The following SDHAF4 variants were observed in gnomAD, a reference collection of about 807,000 sequenced individuals.
SDHAF4 encodes succinate dehydrogenase complex assembly factor 4, also known as succinate dehydrogenase assembly factor 4, mitochondrial.
In SDHAF4, 14 loss-of-function variants were observed where a neutral mutation model predicts 14.3. That is an observed-to-expected ratio of 0.98 (90% CI 0.65 to 1.53). SDHAF4 has a LOEUF of 1.53. Among genes scored for constraint, SDHAF4 ranks in the 40% most tolerant of loss-of-function variants. SDHAF4 has a pLI of 0.00. For missense variants in SDHAF4, 141 were observed against 129.3 expected, an observed-to-expected ratio of 1.09 and a Z score of -0.44; for synonymous variants, 63 against 47.3, an observed-to-expected ratio of 1.33 and a Z score of -1.36.
chr6:70,585,366 G>T lies in SDHAF4; in HGVS notation c.218-3249G>T, dbSNP rs537816874. Among the ~76,000 whole-genome samples, 4 of 152,256 alleles carry T rather than the reference G, an allele frequency of 2.6e-5. No individual in the cohort carries two copies. The East Asian group carries it at 5.8e-4, about 22-fold the overall frequency. ...AGCTGATGGGAATCTCCTCATGGTG[G>T]GAATAATGCCCTTATAAGAAGAGAT... On this transcript the variant is annotated intron_variant, in intron 2 of 2. Coordinates refer to ENST00000370474, the MANE Select transcript of SDHAF4 (RefSeq NM_145267.3).
At chr6:70,581,591 A>G (rs1479025132) in intron 2 of SDHAF4, among the ~76,000 whole-genome samples, 2 of 151,754 alleles carry the variant, frequency 1.3e-5, no homozygotes, top group African/African-American at 2.4e-5. Context: ...GTGTGTATGT[A>G]TGTGTGTGTG....
chr6:70,586,619 A>G (rs140988117), intron 2 of SDHAF4, among the ~76,000 whole-genome samples: 174 of 151,454 alleles, frequency 1.1e-3, no homozygotes, highest in Non-Finnish European at 1.9e-3. Flanking sequence ...ATGAGAATAA[A>G]TCTCTTCATT....
intron 2 of SDHAF4, among the ~76,000 whole-genome samples, chr6:70,585,033 T>A (rs772555087): frequency 4.6e-5 from 7 of 152,156 alleles, no homozygotes; most frequent in Non-Finnish European, 1.0e-4. Context: ...GGCATTAGAA[T>A]GAGAGGCTGG....
At chr6:70,567,687 A>ATTTATTTG (rs1320805804) in intron 1 of SDHAF4, 17 of 151,780 alleles carry the variant, frequency 1.1e-4, no homozygotes, top group Admixed American at 3.9e-4. Context: ...TTATTTATTT[A>ATTTATTTG]TTTGTTTATT....
chr6:70,587,939 C>T (rs1765222744), intron 2 of SDHAF4, among the ~76,000 whole-genome samples: 1 of 152,172 alleles, frequency 6.6e-6, no homozygotes, highest in African/African-American at 2.4e-5. Flanking sequence ...ATTGACATTC[C>T]TATGTACCTG....
chr6:70,592,031 A>G (rs1339611163), downstream of SDHAF4, among the ~76,000 whole-genome samples: 4 of 152,268 alleles, frequency 2.6e-5, no homozygotes, highest in South Asian at 2.1e-4. Context: ...CCAACTTGCC[A>G]TGTGATGCCC....
chr6:70,591,334 ATTTTTTTTTTTTTT>A (rs76350573), downstream of SDHAF4, among the ~76,000 whole-genome samples: 27,401 of 101,716 alleles, frequency 0.27, 2,845 homozygotes, highest in Middle Eastern at 0.35. Flanking sequence ...GAGAGGAAAG[ATTTTTTTTTTTTTT>A]TTTTTTTTTT....
intron 1 of SDHAF4, among the ~76,000 whole-genome samples, chr6:70,568,325 A>G (rs1562054030): frequency 6.6e-6 from 1 of 152,208 alleles, no homozygotes; most frequent in Non-Finnish European, 1.5e-5. Flanking sequence ...CATGTAAGCT[A>G]TGTAGCAGTC....
chr6:70,576,808 TTC>T (rs1320626970), intron 1 of SDHAF4, among the ~76,000 whole-genome samples: 7 of 152,250 alleles, frequency 4.6e-5, no homozygotes, highest in African/African-American at 1.7e-4. Flanking sequence ...ACTGTAATTT[TTC>T]TGTTTACAGG....
At chr6:70,578,741 G>A (rs1802286024) in intron 1 of SDHAF4, among the ~76,000 whole-genome samples, 1 of 152,118 alleles carries the variant, frequency 6.6e-6, no homozygotes, top group Non-Finnish European at 1.5e-5. Context: ...AATCCATCTC[G>A]AGTTAATTTT....
At chr6:70,575,744 T>G (rs764780853) in intron 1 of SDHAF4, among the ~76,000 whole-genome samples, 1 of 150,496 alleles carries the variant, frequency 6.6e-6, no homozygotes, top group Non-Finnish European at 1.5e-5. Context: ...AGAGAGTCAT[T>G]CTTTTGCTTT....
rs963400414 is a variant in SDHAF4 at position 70,588,815 on chromosome 6, T to C, written c.*91T>C. 8.4e-6 allele frequency: 5 copies of C among 592,386 alleles called. No individual in the cohort carries two copies. Among genetic ancestry groups the C allele is most frequent in the Non-Finnish European group, 1.5e-5 (5 of 344,086 alleles). 36.7% of individuals were successfully genotyped at this position (592,386 alleles called of 1,614,324 possible). Reference sequence around the variant, plus strand: ...TTATTTTCTTTCTTTATATCCTTTATGTCGTGTAGTTTGTATAATGTGTTT... The same window carrying C: ...TTATTTTCTTTCTTTATATCCTTTACGTCGTGTAGTTTGTATAATGTGTTT... On this transcript the variant is annotated 3_prime_UTR_variant, in exon 3 of 3. Transcript: ENST00000370474.
At chr6:70,594,986 A>C in the SDHAF4 span, among the ~76,000 whole-genome samples, 5 of 152,058 alleles carry the variant, frequency 3.3e-5, no homozygotes, top group Non-Finnish European at 7.4e-5. Flanking sequence ...CAGAAAATGG[A>C]CTAAGACAGT....
intron 1 of SDHAF4, among the ~76,000 whole-genome samples, chr6:70,575,675 A>G (rs7741265): frequency 0.17 from 26,268 of 151,936 alleles, 2,356 homozygotes; most frequent in Middle Eastern, 0.22. Context: ...AATTACCAGA[A>G]ACAAAAGTTT....
intron 1 of SDHAF4, among the ~76,000 whole-genome samples, chr6:70,576,838 T>C (rs895231176): frequency 3.3e-5 from 5 of 152,144 alleles, no homozygotes; most frequent in African/African-American, 1.2e-4. Context: ...ACAAAAAGGG[T>C]AACTTGACCA....
At position 70,567,052 on chromosome 6, in the gene SDHAF4, CCCAGGCGCAGAGAG is replaced by C. The variant is rs778593674; in HGVS notation, c.64+49_64+62del. The C allele has an allele frequency of 2.0e-6, 3 of 1,521,500 alleles. No homozygotes were observed. In the South Asian group the frequency reaches 3.6e-5, roughly 18 times the overall value. 94.2% of individuals were successfully genotyped at this position (1,521,500 alleles called of 1,614,324 possible). On this transcript the variant is annotated intron_variant, in intron 1 of 2. Transcript: ENST00000370474. ...ACGGTCGCGGGAGGGGTCGTGAAGG[CCCAGGCGCAGAGAG>C]AAGCGCCTCCCGCGGAGGAAGCCGC...
At position 70,568,376 on chromosome 6, in the gene SDHAF4, C is replaced by T. The variant is rs534042975; in HGVS notation, c.64+1372C>T. 1.2e-4 allele frequency among the ~76,000 whole-genome samples: 19 copies of T among 152,310 alleles called. No homozygotes were observed. The East Asian group carries it at 2.7e-3, about 22-fold the overall frequency. Reference sequence around the variant, plus strand: ...CACAACCAGCATCTATGAACTTATACTCCAATTTAAGAAATAGTCTCTATT... The same window carrying T: ...CACAACCAGCATCTATGAACTTATATTCCAATTTAAGAAATAGTCTCTATT... On this transcript the variant is annotated intron_variant, in intron 1 of 2. Transcript: ENST00000370474.
chr6:70,579,567 G>A lies in SDHAF4; in HGVS notation c.217+1G>A, dbSNP rs1367960345. ...CATTTAGAGAAAGAACCACTGGAAAGTAAGTATAATAAAGCACCTCTCAGT... is the reference window on the plus strand; with the variant it reads ...CATTTAGAGAAAGAACCACTGGAAAATAAGTATAATAAAGCACCTCTCAGT... On this transcript the variant is annotated splice_donor_variant, in intron 2 of 2. Transcript: ENST00000370474. LOFTEE classifies it high-confidence loss of function. 3 of 1,589,262 alleles carry A rather than the reference G, an allele frequency of 1.9e-6. No individual in the cohort carries two copies. Among genetic ancestry groups the A allele is most frequent in the Non-Finnish European group, 1.7e-6 (2 of 1,167,340 alleles).
At chr6:70,580,089 A>ATATG (rs1802302941) in intron 2 of SDHAF4, among the ~76,000 whole-genome samples, 1 of 152,130 alleles carries the variant, frequency 6.6e-6, no homozygotes, top group African/African-American at 2.4e-5. Flanking sequence ...TGTGTATATT[A>ATATG]TATGTATGTG....
Sources: allele counts gnomAD v4.1 joint callset (sites outside exome capture counted in the v4.1 genomes callset), GRCh38; gene constraint gnomAD v4.1.1; transcripts MANE v1.5; gene names NCBI Gene and HGNC (gene_info 2026-07-23, HGNC 2026-07-21).